Variants in RARB observed in about 807,000 individuals in gnomAD.
The protein encoded by RARB is retinoic acid receptor beta, also known as HBV-activated protein.
In RARB, 17 loss-of-function variants were observed where a neutral mutation model predicts 51.9. The observed-to-expected ratio is 0.33, with a 90% CI of 0.22 to 0.49. The LOEUF (loss-of-function observed/expected upper bound fraction) is 0.49. Among genes scored for constraint, RARB ranks in the 20% least tolerant of loss-of-function variants. RARB has a pLI of 0.99. For synonymous variants in RARB, 215 were observed against 195.4 expected (o/e 1.10, Z -0.84); for missense variants, 369 against 550.8 (o/e 0.67, Z 3.30).
intron 2 of RARB, among the ~76,000 whole-genome samples, chr3:24,976,053 A>T (rs1219949235): frequency 6.6e-6 from 1 of 152,082 alleles, no homozygotes. Flanking sequence ...GTCTGCAGAG[A>T]ATGATGGTTT....
intron 5 of RARB, among the ~76,000 whole-genome samples, chr3:25,322,793 T>C (rs1704609831): frequency 6.6e-6 from 1 of 152,172 alleles, no homozygotes; most frequent in Non-Finnish European, 1.5e-5. Flanking sequence ...CAAGAGCACA[T>C]AAGCACAGAT....
At chr3:25,333,328 C>T (rs538874596) in intron 5 of RARB, among the ~76,000 whole-genome samples, 1 of 152,098 alleles carries the variant, frequency 6.6e-6, no homozygotes, top group Non-Finnish European at 1.5e-5. Flanking sequence ...CCAAAACAGA[C>T]ATATAGACCA....
intron 2 of RARB, among the ~76,000 whole-genome samples, chr3:24,954,619 T>C (rs927403479): frequency 5.9e-5 from 9 of 152,144 alleles, no homozygotes; most frequent in African/African-American, 1.9e-4. Context: ...AGTGACTATT[T>C]AGGTTCACCC....
chr3:25,550,480 G>T (rs940215704), intron 3 of RARB, among the ~76,000 whole-genome samples: 2 of 152,060 alleles, frequency 1.3e-5, no homozygotes, highest in Admixed American at 1.3e-4. Flanking sequence ...ATGGCAGAAG[G>T]GGGAAGCAAG....
At chr3:24,919,012 C>T (rs909275392) in intron 2 of RARB, among the ~76,000 whole-genome samples, 3 of 152,274 alleles carry the variant, frequency 2.0e-5, no homozygotes, top group South Asian at 2.1e-4. Context: ...TACTGTGTGA[C>T]TTCTGGAAAT....
At chr3:24,926,025 T>A (rs1402184188) in intron 2 of RARB, among the ~76,000 whole-genome samples, 5 of 152,124 alleles carry the variant, frequency 3.3e-5, no homozygotes, top group Middle Eastern at 3.2e-3. Flanking sequence ...TGAGAATACT[T>A]CCTTGCAAAG....
At chr3:24,880,480 G>A (rs916034276) in intron 2 of RARB, among the ~76,000 whole-genome samples, 1 of 152,048 alleles carries the variant, frequency 6.6e-6, no homozygotes, top group African/African-American at 2.4e-5. Context: ...TAGTTATGGT[G>A]GGGTAGTTGA....
At chr3:25,258,367 C>T (rs942375987) in intron 5 of RARB, among the ~76,000 whole-genome samples, 2 of 152,082 alleles carry the variant, frequency 1.3e-5, no homozygotes, top group Non-Finnish European at 2.9e-5. Flanking sequence ...GTTTTATGGT[C>T]GCAATTGATA....
rs1164775300 is a variant in RARB at position 24,918,649 on chromosome 3, G to A, written c.-380+59897G>A. Among the ~76,000 whole-genome samples, 5 of 152,282 alleles carry A rather than the reference G, an allele frequency of 3.3e-5. No homozygotes were observed. In the South Asian group the frequency reaches 8.3e-4, roughly 25 times the overall value. ...TGTAATCCCAGCACTTTGGGAGGCC[G>A]AGGTGGGCAGATTGCCTGAAGTCAG... On this transcript the variant is annotated intron_variant, in intron 2 of 11. Transcript: ENST00000383772.
intron 2 of RARB, among the ~76,000 whole-genome samples, chr3:24,960,369 G>T (rs539583173): frequency 3.2e-4 from 48 of 152,238 alleles, no homozygotes; most frequent in African/African-American, 1.1e-3. Context: ...GTGTTTCTTG[G>T]AAAAACATTT....
intron 2 of RARB, among the ~76,000 whole-genome samples, chr3:25,489,185 A>C (rs772708845): frequency 3.9e-5 from 6 of 152,228 alleles, no homozygotes; most frequent in Non-Finnish European, 7.3e-5. Flanking sequence ...TGTTTAAAAG[A>C]ACTTTTTCTT....
chr3:25,241,938 A>G (rs1427184103), intron 5 of RARB, among the ~76,000 whole-genome samples: 1 of 152,196 alleles, frequency 6.6e-6, no homozygotes, highest in Non-Finnish European at 1.5e-5. Context: ...ACAGTGTAAA[A>G]ACTTTCCTAT....
chr3:25,559,387 C>T (rs1700181471), intron 3 of RARB, among the ~76,000 whole-genome samples: 1 of 152,166 alleles, frequency 6.6e-6, no homozygotes, highest in African/African-American at 2.4e-5. Flanking sequence ...TATCAGCTTC[C>T]TCATCTGTGA....
chr3:25,336,758 C>G (rs1420871931), intron 5 of RARB, among the ~76,000 whole-genome samples: 1 of 152,080 alleles, frequency 6.6e-6, no homozygotes, highest in South Asian at 2.1e-4. Flanking sequence ...GTTAATGTGG[C>G]CAAGCAATAC....
chr3:25,173,394 A>G (rs1700680622), intron 4 of RARB, among the ~76,000 whole-genome samples: 1 of 152,222 alleles, frequency 6.6e-6, no homozygotes, highest in South Asian at 2.1e-4. Context: ...TGATTGGTGA[A>G]TAGGTGACTG....
In RARB at chr3:25,421,403, C is replaced by CTTTTTTTTTTT. The variant is rs766378555; in HGVS notation, c.179-39772_179-39762dup. Reference sequence around the variant, plus strand: ...TTGCACTAACATTTTTTCTTCTTTTCTTTTTTTTTTTTTTTTTTTTTTTTT... The same window carrying CTTTTTTTTTTT: ...TTGCACTAACATTTTTTCTTCTTTTCTTTTTTTTTTTTTTTTTTTTTTTTTTTTTTTTTTTT... On this transcript the variant is annotated intron_variant, in intron 5 of 11. Transcript: ENST00000383772. Among the ~76,000 whole-genome samples, 46 of 72,362 alleles carry CTTTTTTTTTTT rather than the reference C, an allele frequency of 6.4e-4. 4 individuals are homozygous for CTTTTTTTTTTT. Among genetic ancestry groups the CTTTTTTTTTTT allele is most frequent in the African/African-American group, 1.8e-3 (28 of 15,498 alleles). 47.5% of individuals were successfully genotyped at this position (72,362 alleles called of 152,430 possible). A position where few individuals can be genotyped will look rare whatever the true frequency, so the allele number is the denominator to read the frequency against.
At chr3:25,098,672 C>T (rs761385089) in intron 3 of RARB, among the ~76,000 whole-genome samples, 4 of 152,114 alleles carry the variant, frequency 2.6e-5, no homozygotes, top group Non-Finnish European at 5.9e-5. Flanking sequence ...GCTGATTTTG[C>T]ACTGCAGTGG....
chr3:25,087,548 G>GATA (rs1379951727), intron 3 of RARB, among the ~76,000 whole-genome samples: 6 of 152,064 alleles, frequency 3.9e-5, no homozygotes, highest in Non-Finnish European at 8.8e-5. Context: ...AATGGGGCAA[G>GATA]ATAATAGTAA....
chr3:25,381,772 GCCCTA>G (rs776137928), intron 5 of RARB, among the ~76,000 whole-genome samples: 24 of 152,178 alleles, frequency 1.6e-4, no homozygotes, highest in Non-Finnish European at 3.5e-4. Flanking sequence ...CCCTATCTCT[GCCCTA>G]CCCCTGGTCA....
Sources: gnomAD v4.1 joint callset for allele counts (sites outside exome capture counted in the v4.1 genomes callset) on GRCh38, gnomAD v4.1.1 for gene constraint, MANE v1.5 for transcripts, NCBI Gene and HGNC (gene_info 2026-07-23, HGNC 2026-07-21) for gene names.